Variants in PLEKHA6 observed in about 807,000 individuals in gnomAD.
The protein encoded by PLEKHA6 is pleckstrin homology domain containing A6.
Under a neutral mutation model 116.7 loss-of-function variants are expected in PLEKHA6, and 60 were observed. The ratio of observed to expected loss-of-function variants is 0.51; its 90% confidence interval spans 0.42 to 0.64. The LOEUF (loss-of-function observed/expected upper bound fraction) is 0.64. Ranked by LOEUF, PLEKHA6 falls within the 30% of genes least tolerant of loss-of-function variation. The pLI is 0.00. For missense variants in PLEKHA6, 1,338 were observed against 1,422.7 expected (o/e 0.94, Z 0.96); for synonymous variants, 489 against 556.1 (o/e 0.88, Z 1.70).
intron 1 of PLEKHA6, among the ~76,000 whole-genome samples, chr1:204,288,414 C>T (rs1669415706): frequency 6.6e-6 from 1 of 152,200 alleles, no homozygotes; most frequent in Non-Finnish European, 1.5e-5. Context: ...CCACCCAGGC[C>T]GCCCCGCCTG....
rs1022402477 is a variant in PLEKHA6 at position 204,259,481 on chromosome 1, C to T, written c.784G>A (p.Gly262Ser). 2 of 1,614,204 alleles carry T rather than the reference C, an allele frequency of 1.2e-6. No individual in the cohort carries two copies. Among genetic ancestry groups the T allele is most frequent in the Admixed American group, 1.7e-5 (1 of 60,034 alleles). Residue 262 changes from glycine to serine, a missense_variant, in exon 8 of 23, where the codon GGT becomes AGT. By Grantham distance (56) the Gly-to-Ser change is moderately conservative (BLOSUM62 0). Coordinates refer to ENST00000272203, the MANE Select transcript of PLEKHA6 (RefSeq NM_014935.5). This position sits in a 1 kb window ranked among gnomAD's most constrained non-coding sequence, Gnocchi z 4.6. ...TTGGGCTGGGCAGGCTGTTCCCCAC[C>T]CCCTGGCACTCTTGGGCCCTCGGGG... ...PYPEGPRVPGGGEQPAQPNGW... is the reference protein window; with the variant it reads ...PYPEGPRVPGSGEQPAQPNGW...
intron 3 of PLEKHA6, among the ~76,000 whole-genome samples, chr1:204,269,027 C>T (rs985531204): frequency 2.0e-5 from 3 of 152,076 alleles, no homozygotes; most frequent in African/African-American, 7.2e-5. Context: ...CTTGATGTCC[C>T]CGGCTCCAGC....
intron 1 of PLEKHA6, among the ~76,000 whole-genome samples, chr1:204,308,462 CTAGA>C (rs1210958544): frequency 6.6e-6 from 1 of 152,040 alleles, no homozygotes; most frequent in Non-Finnish European, 1.5e-5. Flanking sequence ...TTTAATACAA[CTAGA>C]TACTCACTTG....
intron 13 of PLEKHA6, among the ~76,000 whole-genome samples, chr1:204,245,929 C>A (rs1663600178): frequency 6.6e-6 from 1 of 152,108 alleles, no homozygotes; most frequent in African/African-American, 2.4e-5. Flanking sequence ...TCTTCAGCCT[C>A]TAGGAGATGG....
At chr1:204,268,563 T>C (rs1489745387) in intron 3 of PLEKHA6, among the ~76,000 whole-genome samples, 1 of 145,876 alleles carries the variant, frequency 6.9e-6, no homozygotes, top group African/African-American at 2.5e-5. Context: ...ATAATAGTCC[T>C]CCCTGTCTCA....
chr1:204,281,349 C>A (rs1313603755), intron 1 of PLEKHA6, among the ~76,000 whole-genome samples: 2 of 152,074 alleles, frequency 1.3e-5, no homozygotes, highest in Non-Finnish European at 2.9e-5. Flanking sequence ...CACAGTGAAA[C>A]CCTGTCTCTA....
Position 204,350,047 on chromosome 1 carries a change from C to T in PLEKHA6, c.-95+9647G>A, listed in dbSNP as rs368963372. On this transcript the variant is annotated intron_variant, in intron 1 of 22. Transcript: ENST00000272203. ...TTCCTTTTAAAACATTCTGGCCAGG[C>T]GCAGTGGTTCATGTCTGTAATCCCA... Among the ~76,000 whole-genome samples the T allele has an allele frequency of 1.8e-3, 268 of 152,292 alleles. 6 individuals are homozygous for T. In the South Asian group the frequency reaches 0.052, roughly 29 times the overall value.
At position 204,274,483 on chromosome 1, in the gene PLEKHA6, C is replaced by T. The variant is rs549660176; in HGVS notation, c.-14+246G>A. ...ATGCCAGCCTCATACCTGTCTTCTA[C>T]TCCATCAGCTCAACCTGTGGGGTGC... On this transcript the variant is annotated intron_variant, in intron 2 of 22. Transcript: ENST00000272203. 9.4e-5 allele frequency: 38 copies of T among 402,196 alleles called. 1 individual carries two copies. The South Asian group carries it at 3.6e-3, about 38-fold the overall frequency. 24.9% of individuals were successfully genotyped at this position (402,196 alleles called of 1,614,324 possible).
At chr1:204,371,003 G>A (rs916546355) in intron 2 of PLEKHA6, among the ~76,000 whole-genome samples, 4 of 147,160 alleles carry the variant, frequency 2.7e-5, no homozygotes, top group Admixed American at 6.8e-5. Context: ...GCAGTGAGCC[G>A]AGATTGTGCC....
intron 4 of PLEKHA6, 92 bp downstream of exon 4, chr1:204,268,116 A>C (rs1297794938): frequency 5.1e-6 from 4 of 784,862 alleles, no homozygotes; most frequent in Non-Finnish European, 6.1e-6. Flanking sequence ...ACATACCAAA[A>C]AAATACACAG....
chr1:204,223,421 C>G lies in PLEKHA6; in HGVS notation c.*8+41G>C. On this transcript the variant is annotated intron_variant, in intron 22 of 22. Coordinates refer to ENST00000272203, the MANE Select transcript of PLEKHA6 (RefSeq NM_014935.5). The surrounding 1 kb of genome is among the most constrained non-coding windows in gnomAD (Gnocchi z 4.8). ...CTCAATGGGGGTGAAGGAAGGGGCC[C>G]CACTCCCGAGGTGGATGAAATACAG... is the stretch of plus-strand genomic sequence containing the variant. The G allele has an allele frequency of 1.8e-6, 2 of 1,136,292 alleles. No individual in the cohort carries two copies. Among genetic ancestry groups the G allele is most frequent in the Non-Finnish European group, 2.6e-6 (2 of 767,500 alleles). 70.4% of individuals were successfully genotyped at this position (1,136,292 alleles called of 1,614,324 possible). A position where few individuals can be genotyped will look rare whatever the true frequency, so the allele number is the denominator to read the frequency against.
intron 1 of PLEKHA6, among the ~76,000 whole-genome samples, chr1:204,290,561 TTTC>T (rs1309133956): frequency 1.3e-5 from 2 of 152,160 alleles, no homozygotes; most frequent in African/African-American, 4.8e-5. Flanking sequence ...AACTACAATG[TTTC>T]TAGAAGAAAA....
At position 204,371,053 on chromosome 1, in the gene PLEKHA6, C is replaced by CAAAAAAAAAAAAAA. The variant is rs34493461; in HGVS notation, c.160+463_160+476dup. Among the ~76,000 whole-genome samples the CAAAAAAAAAAAAAA allele has an allele frequency of 2.1e-3, 146 of 68,478 alleles. 4 individuals carry two copies. Among genetic ancestry groups the CAAAAAAAAAAAAAA allele is most frequent in the African/African-American group, 8.0e-3 (134 of 16,830 alleles). 44.9% of individuals were successfully genotyped at this position (68,478 alleles called of 152,430 possible). A position where few individuals can be genotyped will look rare whatever the true frequency, so the allele number is the denominator to read the frequency against. On this transcript the variant is annotated intron_variant, in intron 2 of 4. Coordinates refer to the PLEKHA6 transcript ENST00000564627. ...TGTGCGACAGAGTAAGACTCTGCCT[C>CAAAAAAAAAAAAAA]AAAAAAAAAAAAAAAAAAAAAAAAT...
chr1:204,345,424 C>T (rs1673004039), intron 1 of PLEKHA6, among the ~76,000 whole-genome samples: 1 of 152,110 alleles, frequency 6.6e-6, no homozygotes, highest in Non-Finnish European at 1.5e-5. Flanking sequence ...CTTTGCTCAG[C>T]CCCCTGGCCC....
chr1:204,249,396 C>G, intron 10 of PLEKHA6, 132 bp from the exon 11 acceptor site: 1 of 665,768 alleles, frequency 1.5e-6, no homozygotes, highest in Non-Finnish European at 2.7e-6. Context: ...AACCCTGGGC[C>G]TTCACCTTGC....
rs140560203 is a variant in PLEKHA6 at position 204,224,287 on chromosome 1, GA to G, written c.3032-703del. Among the ~76,000 whole-genome samples, 1,050 of 152,022 alleles carry G rather than the reference GA, an allele frequency of 6.9e-3. 4 individuals are homozygous for G. The highest frequency in any genetic ancestry group is 0.02 in the Middle Eastern group (6 of 294). ...ATTCCATGTTAAGAATAGCAAAGTG[GA>G]AGGACAATGAGAAGGGGAGACTTAT... On this transcript the variant is annotated intron_variant, in intron 21 of 22. Coordinates refer to ENST00000272203, the MANE Select transcript of PLEKHA6 (RefSeq NM_014935.5).
Position 204,328,292 on chromosome 1 carries a change from G to A in PLEKHA6, c.-95+31402C>T, listed in dbSNP as rs571293701. ...AGACGGGGTTTCTCTATGTTGGCCA[G>A]GCTGGTCTCAAACTCCCGACCTCAG... is the stretch of plus-strand genomic sequence containing the variant. On this transcript the variant is annotated intron_variant, in intron 1 of 22. Coordinates refer to ENST00000272203, the MANE Select transcript of PLEKHA6 (RefSeq NM_014935.5). 6.6e-5 allele frequency among the ~76,000 whole-genome samples: 10 copies of A among 151,854 alleles called. 1 individual carries two copies. In the South Asian group the frequency reaches 2.1e-3, roughly 32 times the overall value.
intron 17 of PLEKHA6, among the ~76,000 whole-genome samples, chr1:204,233,286 A>G (rs1571775412): frequency 6.9e-6 from 1 of 145,074 alleles, no homozygotes. Context: ...ACAATCTTCC[A>G]GCCTAAGCCT....
chr1:204,288,952 T>C (rs1304857093), intron 1 of PLEKHA6, among the ~76,000 whole-genome samples: 1 of 152,112 alleles, frequency 6.6e-6, no homozygotes, highest in Non-Finnish European at 1.5e-5. Flanking sequence ...AGACGGAAGG[T>C]GAGCAAGAAC....
Sources: allele counts gnomAD v4.1 joint callset (sites outside exome capture counted in the v4.1 genomes callset), GRCh38; gene constraint gnomAD v4.1.1; non-coding constraint Gnocchi (gnomAD v3.1); transcripts MANE v1.5; gene names NCBI Gene and HGNC (gene_info 2026-07-23, HGNC 2026-07-21).